RYR3: variants seen among roughly 807,000 people sequenced by gnomAD.
RYR3 encodes ryanodine receptor 3.
In RYR3, 207 loss-of-function variants were observed where a neutral mutation model predicts 584.3. That is an observed-to-expected ratio of 0.35 (90% CI 0.32 to 0.40). The LOEUF (loss-of-function observed/expected upper bound fraction) is 0.40. Among genes scored for constraint, RYR3 ranks in the 10% least tolerant of loss-of-function variants. RYR3 has a pLI of 1.00. For synonymous variants in RYR3, 2,416 were observed against 2,248.5 expected, an observed-to-expected ratio of 1.07 and a Z score of -2.11; for missense variants, 5,616 against 6,089.2, an observed-to-expected ratio of 0.92 and a Z score of 2.59.
At position 33,427,066 on chromosome 15, in the gene RYR3, G is replaced by A. The variant is rs151242636; in HGVS notation, c.52-46353G>A. Among the ~76,000 whole-genome samples, 39 of 152,300 alleles carry A rather than the reference G, an allele frequency of 2.6e-4. No individual in the cohort carries two copies. In the East Asian group the frequency reaches 7.3e-3, roughly 29 times the overall value. The stretch of plus-strand genomic sequence containing the variant: ...ACTTATGAATTTGGGAGAAGAGAGA[G>A]ATGCAAACGTTTAGTTCATAACAGC... On this transcript the variant is annotated intron_variant, in intron 1 of 103. Coordinates refer to ENST00000634891, the MANE Select transcript of RYR3 (RefSeq NM_001036.6).
intron 1 of RYR3, among the ~76,000 whole-genome samples, chr15:33,346,169 C>G (rs1189912597): frequency 6.6e-6 from 1 of 152,096 alleles, no homozygotes; most frequent in Non-Finnish European, 1.5e-5. Flanking sequence ...ACAGGTGATT[C>G]TTGGAAATTA....
intron 18 of RYR3, among the ~76,000 whole-genome samples, chr15:33,606,727 A>G (rs182466490): frequency 7.2e-5 from 11 of 152,232 alleles, no homozygotes; most frequent in Non-Finnish European, 1.2e-4. Context: ...GGCTTTCAGG[A>G]TAGCAGTTGG....
chr15:33,458,544 T>G (rs561879308), intron 1 of RYR3, among the ~76,000 whole-genome samples: 8 of 152,350 alleles, frequency 5.3e-5, no homozygotes, highest in South Asian at 2.1e-4. Context: ...CTATTGGTTC[T>G]GTTTCTCTGG....
chr15:33,459,424 T>C (rs1336147407), intron 1 of RYR3, among the ~76,000 whole-genome samples: 1 of 152,056 alleles, frequency 6.6e-6, no homozygotes, highest in Non-Finnish European at 1.5e-5. Context: ...TCAGGTGGTA[T>C]TAGTAAGATG....
rs1376945820 is a variant in RYR3 at position 33,649,146 on chromosome 15, C to T, written c.4053C>T (p.Asp1351=). 6.2e-7 allele frequency: 1 copy of T among 1,613,846 alleles called. No homozygotes were observed. Among genetic ancestry groups the T allele is most frequent in the Admixed American group, 1.7e-5 (1 of 60,030 alleles). Residue 1351 remains aspartate (D), a synonymous_variant, in exon 31 of 104, where the codon GAC becomes GAT. Coordinates refer to ENST00000634891, the MANE Select transcript of RYR3 (RefSeq NM_001036.6). ...TCTGGGTCGGATGGGTGACTCCAGACTATCACTTGTACAGTGAAAAGTTTG... is the reference window on the plus strand; with the variant it reads ...TCTGGGTCGGATGGGTGACTCCAGATTATCACTTGTACAGTGAAAAGTTTG... The part of the protein sequence containing the change: ...SCVWVGWVTP[D]YHLYSEKFDL...
At chr15:33,485,298 A>C (rs2050314952) in intron 2 of RYR3, among the ~76,000 whole-genome samples, 1 of 152,234 alleles carries the variant, frequency 6.6e-6, no homozygotes, top group South Asian at 2.1e-4. Flanking sequence ...GAAGAAAGTA[A>C]GAAAATAAAG....
Position 33,757,564 on chromosome 15 carries a change from T to C in RYR3, c.8673T>C (p.Tyr2891=), listed in dbSNP as rs1175562840. The C allele has an allele frequency of 6.2e-7, 1 of 1,611,522 alleles. No homozygotes were observed. Among genetic ancestry groups the C allele is most frequent in the Non-Finnish European group, 8.5e-7 (1 of 1,179,108 alleles). Residue 2891 remains tyrosine, a synonymous_variant, in exon 60 of 104, where the codon TAT becomes TAC. Transcript: ENST00000634891. ...SPLKPLSSSG[Y]ASHKEKEMVA... ...TGAAGCCCCTTAGCAGCAGCGGATA[T>C]GCCTCCCATAAGGAGAAAGAAATGG...
chr15:33,799,326 C>T (rs1279680438), intron 67 of RYR3, among the ~76,000 whole-genome samples: 1 of 152,148 alleles, frequency 6.6e-6, no homozygotes, highest in African/African-American at 2.4e-5. Context: ...GGACTTTCAG[C>T]CCCACCACCA....
At chr15:33,653,863 C>T (rs74005931) in intron 32 of RYR3, among the ~76,000 whole-genome samples, 6,863 of 152,184 alleles carry the variant, frequency 0.045, 505 homozygotes, top group African/African-American at 0.16. Flanking sequence ...ACATCCACCT[C>T]TTGAAGTTTT....
At chr15:33,538,911 A>G (rs1249785381) in intron 5 of RYR3, among the ~76,000 whole-genome samples, 1 of 152,092 alleles carries the variant, frequency 6.6e-6, no homozygotes, top group East Asian at 1.9e-4. Flanking sequence ...AGCCTTTAAA[A>G]AAGCTTCCCT....
intron 32 of RYR3, among the ~76,000 whole-genome samples, chr15:33,657,991 CT>C (rs1456416976): frequency 3.3e-5 from 5 of 152,206 alleles, no homozygotes; most frequent in African/African-American, 9.7e-5. Context: ...TAAAGAAAAC[CT>C]GTGACAATTG....
intron 12 of RYR3, among the ~76,000 whole-genome samples, chr15:33,575,264 G>A (rs889501522): frequency 3.3e-5 from 5 of 152,098 alleles, no homozygotes; most frequent in Non-Finnish European, 5.9e-5. Flanking sequence ...ATCAGTTCTG[G>A]ATCAAGTGGA....
chr15:33,655,331 A>G (rs1270714325), intron 32 of RYR3, among the ~76,000 whole-genome samples: 1 of 152,246 alleles, frequency 6.6e-6, no homozygotes, highest in Non-Finnish European at 1.5e-5. Context: ...TTAACTTTAG[A>G]AATGAGTTTA....
At position 33,841,872 on chromosome 15, in the gene RYR3, A is replaced by T. The variant is rs2078390289; in HGVS notation, c.13046A>T (p.Asp4349Val). The change falls in exon 91 of 104, where the codon GAT becomes GTT. Residue 4349 changes from aspartate (D) to valine (V), a missense_variant. By Grantham distance (152) the Asp-to-Val change is radical. This residue lies in a region of RYR3 where 918 missense variants were observed against 887.4 expected (regional missense o/e 1.03). Coordinates refer to ENST00000634891, the MANE Select transcript of RYR3 (RefSeq NM_001036.6). ...GTTTCCCATTTCTGCAGCATGGAAGATGGAGAGAAGGAAGACAAAGACAAA... is the reference window on the plus strand; with the variant it reads ...GTTTCCCATTTCTGCAGCATGGAAGTTGGAGAGAAGGAAGACAAAGACAAA... ...KVESEKADME[D>V]GEKEDKDKEE... The T allele has an allele frequency of 1.9e-6, 3 of 1,590,094 alleles. No homozygotes were observed. Among genetic ancestry groups the T allele is most frequent in the Non-Finnish European group, 2.6e-6 (3 of 1,168,166 alleles).
In RYR3 at chr15:33,473,630, C is replaced by T. The variant is rs757301749; in HGVS notation, c.171+92C>T. ...TACTGCTGGGAGATGGTGATGAGGA[C>T]GACATTTGAAAGGACACATTTATTT... On this transcript the variant is annotated intron_variant, in intron 2 of 103. Coordinates refer to ENST00000634891, the MANE Select transcript of RYR3 (RefSeq NM_001036.6). The T allele has an allele frequency of 1.4e-4, 176 of 1,288,666 alleles. 1 individual carries two copies. The highest frequency in any genetic ancestry group is 1.7e-4 in the Non-Finnish European group (155 of 916,628). 79.8% of individuals were successfully genotyped at this position (1,288,666 alleles called of 1,614,324 possible). A position where few individuals can be genotyped will look rare whatever the true frequency, so the allele number is the denominator to read the frequency against.
chr15:33,373,008 C>T (rs1595885639), intron 1 of RYR3, among the ~76,000 whole-genome samples: 3 of 152,314 alleles, frequency 2.0e-5, no homozygotes, highest in Admixed American at 2.0e-4. Context: ...GATTATGCAC[C>T]TTGGCAGGCA....
intron 65 of RYR3, among the ~76,000 whole-genome samples, chr15:33,781,019 A>G (rs530335340): frequency 1.3e-5 from 2 of 152,330 alleles, no homozygotes; most frequent in Admixed American, 1.3e-4. Flanking sequence ...ACAATGGCAG[A>G]GTTGAGTAGA....
At chr15:33,491,560 C>T (rs1477163691) in intron 2 of RYR3, among the ~76,000 whole-genome samples, 1 of 152,146 alleles carries the variant, frequency 6.6e-6, no homozygotes, top group Non-Finnish European at 1.5e-5. Context: ...GCCAAGTGAA[C>T]TCAACCATTA....
At chr15:33,682,923 G>T (rs2064731007) in intron 38 of RYR3, among the ~76,000 whole-genome samples, 2 of 152,072 alleles carry the variant, frequency 1.3e-5, no homozygotes, top group Non-Finnish European at 2.9e-5. Context: ...CATACCTTGT[G>T]GCAAATGGTA....
Sources: gnomAD v4.1 joint callset for allele counts (sites outside exome capture counted in the v4.1 genomes callset) on GRCh38, gnomAD v4.1.1 for gene constraint, gnomAD v4.1.1 regional missense constraint, MANE v1.5 for transcripts, NCBI Gene and HGNC (gene_info 2026-07-23, HGNC 2026-07-21) for gene names.